Variants in CYP2B6 observed in about 807,000 individuals in gnomAD.
CYP2B6 encodes the protein cytochrome P450 family 2 subfamily B member 6.
A neutral mutation model predicts 43.4 loss-of-function variants in CYP2B6; 35 were observed. The observed-to-expected ratio is 0.81, with a 90% CI of 0.62 to 1.07. The LOEUF is 1.07. Among genes scored for constraint, CYP2B6 ranks in the 50% least tolerant of loss-of-function variants. The pLI is 0.00. For missense variants in CYP2B6, 624 were observed against 632.8 expected, an observed-to-expected ratio of 0.99 and a Z score of 0.15; for synonymous variants, 239 against 239.2, an observed-to-expected ratio of 1.00 and a Z score of 0.01.
At chr19:41,005,815 G>A (rs994227697) in intron 3 of CYP2B6, among the ~76,000 whole-genome samples, 14 of 151,788 alleles carry the variant, frequency 9.2e-5, no homozygotes, top group Middle Eastern at 3.2e-3. Flanking sequence ...AATAAAGAAC[G>A]GCAGGGGGGA....
chr19:41,004,396 G>A lies in CYP2B6; in HGVS notation c.434G>A (p.Arg145Gln), dbSNP rs139173201. The stretch of plus-strand genomic sequence containing the variant: ...ATGGGAAAGCGGAGTGTGGAGGAGC[G>A]GATTCAGGAGGAGGCTCAGTGTCTG... Reference protein sequence around the residue: ...FGMGKRSVEERIQEEAQCLIE... With the variant: ...FGMGKRSVEEQIQEEAQCLIE... The change falls in exon 3 of 9, where the codon CGG becomes CAG. Residue 145 changes from arginine to glutamine, a missense_variant. By Grantham distance (43) the Arg-to-Gln change is conservative. Transcript: ENST00000324071. The A allele has an allele frequency of 5.3e-5, 86 of 1,613,826 alleles. No individual in the cohort carries two copies. Among genetic ancestry groups the A allele is most frequent in the African/African-American group, 1.3e-4 (10 of 74,810 alleles).
chr19:41,000,846 C>A (rs140927462), intron 1 of CYP2B6, among the ~76,000 whole-genome samples: 1 of 152,124 alleles, frequency 6.6e-6, no homozygotes, highest in East Asian at 1.9e-4. Context: ...CGAGACCAAC[C>A]TGACCAACAT....
intron 8 of CYP2B6, among the ~76,000 whole-genome samples, chr19:41,014,305 CTT>C (rs543485540): frequency 1.7e-4 from 24 of 143,370 alleles, no homozygotes; most frequent in Admixed American, 3.5e-4. Flanking sequence ...TCTGAAGTTT[CTT>C]TTTTTTTTTT....
chr19:41,007,245 G>C, intron 4 of CYP2B6, 180 bp downstream of exon 4: 1 of 628,814 alleles, frequency 1.6e-6, no homozygotes, highest in Non-Finnish European at 2.8e-6. Flanking sequence ...GACAGGGATA[G>C]AGACACTGAG....
intron 1 of CYP2B6, 95 bp downstream of exon 1, chr19:40,991,571 T>G (rs545796268): frequency 3.8e-5 from 53 of 1,394,726 alleles, no homozygotes; most frequent in African/African-American, 5.7e-5. Context: ...ACTTCCAGAG[T>G]CAGGGGTGGC....
chr19:41,013,497 A>G (rs764961809), intron 8 of CYP2B6, among the ~76,000 whole-genome samples: 21 of 152,242 alleles, frequency 1.4e-4, no homozygotes, highest in Non-Finnish European at 2.6e-4. Context: ...GGCAAAGGAA[A>G]CAGCAAGGAC....
In CYP2B6 at chr19:41,009,978, C is replaced by T. The variant is rs759593380; in HGVS notation, c.823-16C>T. ...CCTCCCCTGACCCTCCCCTTCCTTCCCTACTGTGGACGCAGGAGAAATCCA... is the reference window on the plus strand; with the variant it reads ...CCTCCCCTGACCCTCCCCTTCCTTCTCTACTGTGGACGCAGGAGAAATCCA... On this transcript the variant is annotated splice_polypyrimidine_tract_variant and intron_variant, in intron 5 of 8. Coordinates refer to ENST00000324071, the MANE Select transcript of CYP2B6 (RefSeq NM_000767.5). 1 of 1,614,084 alleles carries T rather than the reference C, an allele frequency of 6.2e-7. No individual in the cohort carries two copies. The highest frequency in any genetic ancestry group is 2.2e-5 in the East Asian group (1 of 44,880).
At chr19:41,015,663 T>G (rs988792789) in intron 8 of CYP2B6, among the ~76,000 whole-genome samples, 4 of 152,146 alleles carry the variant, frequency 2.6e-5, no homozygotes, top group African/African-American at 9.7e-5. Context: ...CTCATACGCA[T>G]CAGTCCCATT....
At position 41,015,039 on chromosome 19, in the gene CYP2B6, T is replaced by C. The variant is rs551675589; in HGVS notation, c.1295-1607T>C. 7.9e-5 allele frequency among the ~76,000 whole-genome samples: 12 copies of C among 151,062 alleles called. No homozygotes were observed. In the South Asian group the frequency reaches 2.3e-3, roughly 29 times the overall value. On this transcript the variant is annotated intron_variant, in intron 8 of 8. Coordinates refer to ENST00000324071, the MANE Select transcript of CYP2B6 (RefSeq NM_000767.5). ...AGATTGGGGAGAAATCAGATTCAAA[T>C]AGATGGAGATAGGAAGTTAAGCAAG... is the stretch of plus-strand genomic sequence containing the variant.
intron 1 of CYP2B6, among the ~76,000 whole-genome samples, chr19:40,992,531 T>C (rs1484184069): frequency 1.3e-5 from 2 of 152,078 alleles, no homozygotes; most frequent in Non-Finnish European, 2.9e-5. Context: ...GACTCTTTTT[T>C]TTTCTGAGAC....
chr19:41,002,434 C>A (rs1969107090), intron 1 of CYP2B6, among the ~76,000 whole-genome samples: 1 of 152,146 alleles, frequency 6.6e-6, no homozygotes, highest in Non-Finnish European at 1.5e-5. Context: ...AATTGACATG[C>A]AGGCCAAGTA....
chr19:40,997,762 G>A (rs1969018659), intron 1 of CYP2B6, among the ~76,000 whole-genome samples: 1 of 152,048 alleles, frequency 6.6e-6, no homozygotes, highest in Non-Finnish European at 1.5e-5. Flanking sequence ...GAGCCAAGGA[G>A]TCTTATGATT....
chr19:41,005,839 A>G (rs1165621741), intron 3 of CYP2B6, among the ~76,000 whole-genome samples: 1 of 152,054 alleles, frequency 6.6e-6, no homozygotes, highest in Non-Finnish European at 1.5e-5. Context: ...AAATATACAC[A>G]CAGAGAGACA....
chr19:40,999,793 A>G (rs895897339), intron 1 of CYP2B6, among the ~76,000 whole-genome samples: 1 of 152,036 alleles, frequency 6.6e-6, no homozygotes, highest in Non-Finnish European at 1.5e-5. Context: ...TGCTCAGGAG[A>G]TTCTCCCACC....
rs777457906 is a variant in CYP2B6, at chr19:41,007,112, C to A, written c.645+47C>A. The stretch of plus-strand genomic sequence containing the variant: ...AGGGGGTGTGGGGGTGAGGTGAACA[C>A]CCAGAACACACGAGAAAAGGATGAC... On this transcript the variant is annotated intron_variant, in intron 4 of 8. Transcript: ENST00000324071. 5.1e-6 allele frequency: 8 copies of A among 1,579,464 alleles called. No homozygotes were observed. In the East Asian group the frequency reaches 9.0e-5, roughly 18 times the overall value.
chr19:41,008,051 C>T (rs59185258), intron 4 of CYP2B6, among the ~76,000 whole-genome samples: 1 of 143,372 alleles, frequency 7.0e-6, no homozygotes, highest in Admixed American at 6.7e-5. Context: ...CCTTCTCCCT[C>T]TGTGTTTTTT....
At chr19:41,009,742 G>A in intron 5 of CYP2B6, 1 of 598,008 alleles carries the variant, frequency 1.7e-6, no homozygotes, top group East Asian at 2.8e-5. Context: ...GAAAGAGACG[G>A]GGACAAAAAG....
At chr19:40,996,729 A>T (rs1969005125) in intron 1 of CYP2B6, among the ~76,000 whole-genome samples, 1 of 152,200 alleles carries the variant, frequency 6.6e-6, no homozygotes, top group African/African-American at 2.4e-5. Context: ...TTAAGAACTC[A>T]GGAAGGACCA....
rs528475071 is a variant in CYP2B6, at chr19:40,993,617, T to G, written c.171+2141T>G. On this transcript the variant is annotated intron_variant, in intron 1 of 8. Transcript: ENST00000324071. ...TTCCCTCCACACCTGGGGATTACAA[T>G]TCAAGATGAGATTTGGGTGAGGACA... Among the ~76,000 whole-genome samples the G allele has an allele frequency of 3.1e-3, 469 of 152,192 alleles. 4 individuals carry two copies. The highest frequency in any genetic ancestry group is 4.7e-3 in the Non-Finnish European group (323 of 68,004).
Sources: allele counts gnomAD v4.1 joint callset (sites outside exome capture counted in the v4.1 genomes callset), GRCh38; gene constraint gnomAD v4.1.1; transcripts MANE v1.5; gene names NCBI Gene and HGNC (gene_info 2026-07-23, HGNC 2026-07-21).